Variants in NEO1 observed in about 807,000 individuals in gnomAD.
NEO1 encodes the protein neogenin.
In NEO1, 63 loss-of-function variants were observed where a neutral mutation model predicts 159.7. The observed-to-expected ratio is 0.39, with a 90% CI of 0.32 to 0.49. The LOEUF (loss-of-function observed/expected upper bound fraction) is 0.49. Among genes scored for constraint, NEO1 ranks in the 20% least tolerant of loss-of-function variants. The pLI is 0.85. For synonymous variants in NEO1, 633 were observed against 662.0 expected (o/e 0.96, Z 0.67); for missense variants, 1,615 against 1,831.0 (o/e 0.88, Z 2.15).
intron 1 of NEO1, among the ~76,000 whole-genome samples, chr15:73,112,948 T>C (rs1334109468): frequency 6.6e-6 from 1 of 152,184 alleles, no homozygotes; most frequent in East Asian, 1.9e-4. Flanking sequence ...TAGTAACATT[T>C]ATTGAGTAGT....
chr15:73,257,224 A>T (rs1314326336), intron 13 of NEO1, among the ~76,000 whole-genome samples: 1 of 148,114 alleles, frequency 6.8e-6, no homozygotes, highest in Non-Finnish European at 1.5e-5. Flanking sequence ...TTGAATATTT[A>T]GTTGTATTTA....
chr15:73,126,427 G>T lies in NEO1; in HGVS notation c.735G>T (p.Val245=), dbSNP rs751062730. The part of the protein sequence containing the change: ...VELKVLPDPE[V]ISDLVFLKQP... ...TTTTTTTTTTTTTAGATCCTGAGGT[G>T]ATATCAGACTTGGTATTTTTGAAAC... The change falls in exon 4 of 29, where the codon GTG becomes GTT. Residue 245 remains valine (V), a synonymous_variant. Transcript: ENST00000261908. 6.3e-6 allele frequency: 10 copies of T among 1,589,018 alleles called. No individual in the cohort carries two copies. Among genetic ancestry groups the T allele is most frequent in the Non-Finnish European group, 6.0e-6 (7 of 1,169,972 alleles).
At chr15:73,119,054 G>C (rs979504479) in intron 2 of NEO1, among the ~76,000 whole-genome samples, 3 of 152,028 alleles carry the variant, frequency 2.0e-5, no homozygotes, top group Non-Finnish European at 4.4e-5. Flanking sequence ...TCCTCAAAAT[G>C]TTAACCATAG....
chr15:73,089,429 A>G (rs2151433410), intron 1 of NEO1, among the ~76,000 whole-genome samples: 1 of 152,266 alleles, frequency 6.6e-6, no homozygotes, highest in East Asian at 1.9e-4. Flanking sequence ...CATATGATAT[A>G]GGACTAGTGA....
At chr15:73,183,879 C>T (rs919596603) in intron 7 of NEO1, among the ~76,000 whole-genome samples, 3 of 152,188 alleles carry the variant, frequency 2.0e-5, no homozygotes, top group African/African-American at 7.2e-5. Context: ...ATTCCAAGCT[C>T]AATTCCTGAC....
intron 9 of NEO1, among the ~76,000 whole-genome samples, chr15:73,245,578 CTTTT>C (rs1228513120): frequency 7.0e-6 from 1 of 142,546 alleles, no homozygotes; most frequent in African/African-American, 2.6e-5. Context: ...TCAGTGTATT[CTTTT>C]TTTTTTTTTT....
At chr15:73,191,982 G>A (rs552533421) in intron 7 of NEO1, among the ~76,000 whole-genome samples, 58 of 152,118 alleles carry the variant, frequency 3.8e-4, no homozygotes, top group Admixed American at 6.5e-4. Flanking sequence ...ATTGTGCTAA[G>A]TGGTGAGGAT....
chr15:73,068,496 G>C (rs980995373), intron 1 of NEO1, among the ~76,000 whole-genome samples: 2 of 152,130 alleles, frequency 1.3e-5, no homozygotes, highest in African/African-American at 4.8e-5. Flanking sequence ...ATAGGTGTGA[G>C]CCACTGCACC....
chr15:73,276,314 C>G (rs1318269783), intron 21 of NEO1, among the ~76,000 whole-genome samples: 24 of 152,200 alleles, frequency 1.6e-4, no homozygotes, highest in Admixed American at 1.6e-3. Flanking sequence ...AATGTGTGTT[C>G]TTTGACAATT....
chr15:73,287,795 C>T (rs537344566), intron 23 of NEO1, among the ~76,000 whole-genome samples: 1 of 152,112 alleles, frequency 6.6e-6, no homozygotes, highest in Non-Finnish European at 1.5e-5. Context: ...GCAGGAGAAT[C>T]TCTTGAACCC....
Position 73,200,929 on chromosome 15 carries a change from G to T in NEO1, c.1291+22502G>T, listed in dbSNP as rs12324136. The stretch of plus-strand genomic sequence containing the variant: ...ACTCCTGAGCTCAAGTGATCTGCTG[G>T]TCTTGGCCTCCCAAAATTTTGGGTT... On this transcript the variant is annotated intron_variant, in intron 7 of 28. Transcript: ENST00000261908. Among the ~76,000 whole-genome samples, 1,300 of 151,984 alleles carry T rather than the reference G, an allele frequency of 8.6e-3. 23 individuals are homozygous for T. Among genetic ancestry groups the T allele is most frequent in the African/African-American group, 0.03 (1,228 of 41,462 alleles).
chr15:73,232,208 T>C (rs1384795584), intron 7 of NEO1, among the ~76,000 whole-genome samples: 1 of 152,184 alleles, frequency 6.6e-6, no homozygotes, highest in Non-Finnish European at 1.5e-5. Context: ...TTTTTCTTGT[T>C]TTGTTTGTTT....
At chr15:73,108,019 C>G (rs1253735543) in intron 1 of NEO1, among the ~76,000 whole-genome samples, 2 of 152,018 alleles carry the variant, frequency 1.3e-5, no homozygotes, top group African/African-American at 4.8e-5. Context: ...CGGTCTGTAC[C>G]AAAAAGACAA....
intron 5 of NEO1, among the ~76,000 whole-genome samples, chr15:73,144,569 T>G (rs2032719827): frequency 6.6e-6 from 1 of 152,200 alleles, no homozygotes. Flanking sequence ...ACTTGTTGAT[T>G]AAACTATTAG....
intron 7 of NEO1, among the ~76,000 whole-genome samples, chr15:73,204,918 G>A (rs1288673404): frequency 1.3e-5 from 2 of 152,192 alleles, no homozygotes; most frequent in Non-Finnish European, 2.9e-5. Flanking sequence ...AAGTTGGGTT[G>A]TGTGTTTAAT....
chr15:73,181,346 T>C (rs1018247360), intron 7 of NEO1, among the ~76,000 whole-genome samples: 3 of 152,194 alleles, frequency 2.0e-5, no homozygotes, highest in Non-Finnish European at 4.4e-5. Flanking sequence ...ATGAGGCCAT[T>C]GTGAGATGAT....
At chr15:73,240,869 T>G (rs2039455344) in intron 8 of NEO1, among the ~76,000 whole-genome samples, 1 of 152,222 alleles carries the variant, frequency 6.6e-6, no homozygotes, top group Admixed American at 6.5e-5. Context: ...GTTAATTTTT[T>G]TAAGTCGTAA....
chr15:73,154,026 C>A (rs1156526777), intron 5 of NEO1, among the ~76,000 whole-genome samples: 1 of 152,038 alleles, frequency 6.6e-6, no homozygotes, highest in Non-Finnish European at 1.5e-5. Flanking sequence ...GTCACATTTA[C>A]ATTATATGGA....
intron 5 of NEO1, among the ~76,000 whole-genome samples, chr15:73,148,002 C>T (rs1232115681): frequency 3.9e-5 from 6 of 151,932 alleles, no homozygotes; most frequent in African/African-American, 9.7e-5. Flanking sequence ...TTGCTAGAGA[C>T]GGGTTTCACC....
Sources: allele counts gnomAD v4.1 joint callset (sites outside exome capture counted in the v4.1 genomes callset), GRCh38; gene constraint gnomAD v4.1.1; transcripts MANE v1.5; gene names NCBI Gene and HGNC (gene_info 2026-07-23, HGNC 2026-07-21).